Variants in CSMD1 observed in about 807,000 individuals in gnomAD.
The protein encoded by CSMD1 is CUB and sushi domain-containing protein 1.
In CSMD1, 213 loss-of-function variants were observed where a neutral mutation model predicts 417.5. The observed-to-expected ratio is 0.51, with a 90% CI of 0.46 to 0.57. CSMD1 has a LOEUF of 0.57. CSMD1 is among the 20% of genes least tolerant of loss of function. The pLI, the probability that CSMD1 is intolerant of heterozygous loss-of-function variation, is 0.00. For synonymous variants in CSMD1, 2,862 were observed against 1,736.8 expected (o/e 1.65, Z -16.11); for missense variants, 6,923 against 4,529.7 (o/e 1.53, Z -15.17).
chr8:4,209,479 C>A (rs1278517452), intron 3 of CSMD1, among the ~76,000 whole-genome samples: 3 of 152,194 alleles, frequency 2.0e-5, no homozygotes, highest in African/African-American at 4.8e-5. Context: ...AGTTCCCGAA[C>A]ACTTCCCTTA....
intron 1 of CSMD1, among the ~76,000 whole-genome samples, chr8:4,888,574 ACT>A (rs1803906085): frequency 6.6e-6 from 1 of 151,822 alleles, no homozygotes; most frequent in African/African-American, 2.4e-5. Flanking sequence ...CTGTACCCTA[ACT>A]CTATCTGCTA....
At chr8:3,355,946 A>C (rs373571134) in intron 21 of CSMD1, among the ~76,000 whole-genome samples, 6 of 152,194 alleles carry the variant, frequency 3.9e-5, no homozygotes, top group African/African-American at 1.4e-4. Context: ...TACTATTTCT[A>C]TCATCCTAAA....
chr8:3,139,905 CT>C (rs56391105), intron 41 of CSMD1, among the ~76,000 whole-genome samples: 72,244 of 126,432 alleles, frequency 0.57, 21,381 homozygotes, highest in Non-Finnish European at 0.7. Flanking sequence ...TTCTTTCTTT[CT>C]TTTTTTTTTT....
At chr8:4,545,475 T>A (rs575053422) in intron 2 of CSMD1, among the ~76,000 whole-genome samples, 6 of 152,262 alleles carry the variant, frequency 3.9e-5, no homozygotes, top group African/African-American at 1.4e-4. Context: ...TACCTACTTT[T>A]CAATATATCT....
At chr8:3,867,814 C>G (rs2975361) in intron 5 of CSMD1, among the ~76,000 whole-genome samples, 34,312 of 151,822 alleles carry the variant, frequency 0.23, 4,045 homozygotes, top group East Asian at 0.36. Context: ...TTCCAACTGA[C>G]CTTCCCTCAA....
intron 3 of CSMD1, among the ~76,000 whole-genome samples, chr8:4,369,267 C>G (rs1430985576): frequency 6.6e-6 from 1 of 152,010 alleles, no homozygotes; most frequent in Non-Finnish European, 1.5e-5. Context: ...ATGGGTCTTT[C>G]TGATACGACT....
At chr8:3,151,615 T>G (rs1819201248) in intron 39 of CSMD1, 102 bp from the exon 40 acceptor site, 1 of 711,988 alleles carries the variant, frequency 1.4e-6, no homozygotes, top group East Asian at 2.7e-5. Flanking sequence ...GAGCAAGTCT[T>G]CGGAGTTAAT....
chr8:4,110,883 TTTC>T (rs1801815902), intron 3 of CSMD1, among the ~76,000 whole-genome samples: 2 of 152,102 alleles, frequency 1.3e-5, no homozygotes, highest in African/African-American at 4.8e-5. Context: ...GAAATATTAT[TTTC>T]TTATGTCAAA....
intron 7 of CSMD1, among the ~76,000 whole-genome samples, chr8:3,689,335 G>A (rs538549144): frequency 1.3e-5 from 2 of 152,286 alleles, no homozygotes; most frequent in South Asian, 2.1e-4. Context: ...GTTAACTCCA[G>A]TATTGTCCTC....
intron 1 of CSMD1, among the ~76,000 whole-genome samples, chr8:4,682,345 T>G (rs1806105376): frequency 6.6e-6 from 1 of 152,216 alleles, no homozygotes; most frequent in Non-Finnish European, 1.5e-5. Flanking sequence ...AAATGCTTTT[T>G]TTGATTAGTC....
chr8:3,115,568 A>G (rs764249734), intron 42 of CSMD1, among the ~76,000 whole-genome samples: 9 of 152,176 alleles, frequency 5.9e-5, no homozygotes, highest in Non-Finnish European at 1.2e-4. Context: ...TGACAGAAAA[A>G]TAATGTCTTC....
intron 12 of CSMD1, among the ~76,000 whole-genome samples, chr8:3,445,570 C>A (rs184226793): frequency 6.6e-6 from 1 of 151,922 alleles, no homozygotes; most frequent in Non-Finnish European, 1.5e-5. Flanking sequence ...TATGAAAGTG[C>A]GGATGATGAA....
intron 7 of CSMD1, among the ~76,000 whole-genome samples, chr8:3,636,596 A>C (rs1000610624): frequency 1.7e-4 from 26 of 152,298 alleles, no homozygotes; most frequent in Middle Eastern, 6.8e-3. Context: ...GGAATGTGAA[A>C]AACATCTTTT....
At chr8:3,799,765 G>A (rs1274752177) in intron 5 of CSMD1, among the ~76,000 whole-genome samples, 1 of 151,964 alleles carries the variant, frequency 6.6e-6, no homozygotes, top group Non-Finnish European at 1.5e-5. Flanking sequence ...TTTACTCACT[G>A]CTAAATCCAA....
rs184687563 is a variant in CSMD1, at chr8:3,933,906, G to C, written c.818+63997C>G. On this transcript the variant is annotated intron_variant, in intron 5 of 69. Coordinates refer to ENST00000635120, the MANE Select transcript of CSMD1 (RefSeq NM_033225.6). ...TTATTTACTTTCTCTAGGCCACCTA[G>C]TAAATATGGGTGAAAAATGCGATGA... 1.9e-4 allele frequency among the ~76,000 whole-genome samples: 29 copies of C among 152,068 alleles called. No homozygotes were observed. In the East Asian group the frequency reaches 5.0e-3, roughly 26 times the overall value.
chr8:4,707,597 G>A (rs1808021289), intron 1 of CSMD1, among the ~76,000 whole-genome samples: 1 of 152,020 alleles, frequency 6.6e-6, no homozygotes, highest in Non-Finnish European at 1.5e-5. Flanking sequence ...CAACAAGAGA[G>A]GGGAAAGAGC....
chr8:3,562,792 G>A (rs937099165), intron 10 of CSMD1, among the ~76,000 whole-genome samples: 3 of 151,946 alleles, frequency 2.0e-5, no homozygotes, highest in African/African-American at 4.8e-5. Context: ...GGAGGGGGAA[G>A]AGGATCGAGA....
chr8:3,057,798 C>T (rs1585244875), intron 49 of CSMD1, among the ~76,000 whole-genome samples: 1 of 152,166 alleles, frequency 6.6e-6, no homozygotes, highest in Admixed American at 6.5e-5. Flanking sequence ...TATGTATTTT[C>T]AATTTTAAAT....
At chr8:3,516,852 T>C (rs1797302469) in intron 10 of CSMD1, among the ~76,000 whole-genome samples, 1 of 152,212 alleles carries the variant, frequency 6.6e-6, no homozygotes, top group South Asian at 2.1e-4. Context: ...GAACTCATTA[T>C]TTGATAAAGA....
Sources: allele counts gnomAD v4.1 joint callset (sites outside exome capture counted in the v4.1 genomes callset), GRCh38; gene constraint gnomAD v4.1.1; transcripts MANE v1.5; gene names NCBI Gene and HGNC (gene_info 2026-07-23, HGNC 2026-07-21).